The following SSBP3 variants were observed in gnomAD, a reference collection of about 807,000 sequenced individuals.
The protein encoded by SSBP3 is single stranded DNA binding protein 3, also known as single-stranded DNA-binding protein 3.
SSBP3 carries 5 observed loss-of-function variants against 69.6 expected under a neutral mutation model. The ratio of observed to expected loss-of-function variants is 0.07; its 90% CI spans 0.04 to 0.15. SSBP3 has a LOEUF of 0.15. Among genes scored for constraint, SSBP3 ranks in the 10% least tolerant of loss-of-function variants. SSBP3 has a pLI of 1.00. For missense variants in SSBP3, 312 were observed against 534.0 expected (o/e 0.58, Z 4.10); for synonymous variants, 196 against 193.4 (o/e 1.01, Z -0.11).
intron 4 of SSBP3, among the ~76,000 whole-genome samples, chr1:54,294,460 C>T (rs918107584): frequency 6.6e-6 from 1 of 152,214 alleles, no homozygotes; most frequent in Non-Finnish European, 1.5e-5. Context: ...TGTATCACCC[C>T]CTCCCAAGAC....
chr1:54,250,063 G>A (rs1008515288), intron 9 of SSBP3, among the ~76,000 whole-genome samples: 1 of 152,212 alleles, frequency 6.6e-6, no homozygotes, highest in Non-Finnish European at 1.5e-5. Flanking sequence ...ATCTGACTCA[G>A]GAGAGGGGAA....
intron 4 of SSBP3, among the ~76,000 whole-genome samples, chr1:54,357,773 A>G (rs1353751643): frequency 1.3e-5 from 2 of 152,228 alleles, no homozygotes; most frequent in African/African-American, 4.8e-5. Flanking sequence ...TTCTTTGCCA[A>G]GTAATAAGAC....
At chr1:54,236,140 G>A (rs1644488345) in intron 14 of SSBP3, among the ~76,000 whole-genome samples, 1 of 151,894 alleles carries the variant, frequency 6.6e-6, no homozygotes, top group Admixed American at 6.6e-5. Flanking sequence ...CTTTGAAACG[G>A]AGTCTCATTC....
chr1:54,323,095 G>A (rs1366653890), intron 4 of SSBP3, among the ~76,000 whole-genome samples: 2 of 152,162 alleles, frequency 1.3e-5, no homozygotes, highest in African/African-American at 4.8e-5. Flanking sequence ...ACTTCCTGGG[G>A]TGAGGAGAGG....
At chr1:54,353,300 T>C (rs972135314) in intron 4 of SSBP3, among the ~76,000 whole-genome samples, 1 of 152,192 alleles carries the variant, frequency 6.6e-6, no homozygotes, top group Non-Finnish European at 1.5e-5. Flanking sequence ...GGGGAAAAAC[T>C]GCAGGCCAAA....
At position 54,240,083 on chromosome 1, in the gene SSBP3, TGTGTGCGCGCGCGCGCGTGTGCGTGC is replaced by T. The variant is rs1177578227; in HGVS notation, c.856+796_856+821del. 1.1e-4 allele frequency among the ~76,000 whole-genome samples: 8 copies of T among 71,312 alleles called. No individual in the cohort carries two copies. In the East Asian group the frequency reaches 2.5e-3, roughly 23 times the overall value. 46.8% of individuals were successfully genotyped at this position (71,312 alleles called of 152,430 possible). On this transcript the variant is annotated intron_variant, in intron 13 of 17. Transcript: ENST00000610401. ...GTGTGTGTGTGTGTGTGTGTGTGTGTGTGTGCGCGCGCGCGCGTGTGCGTGCGCGCGCGCGCGCAACACATGCCCAC... is the reference window on the plus strand; with the variant it reads ...GTGTGTGTGTGTGTGTGTGTGTGTGTGCGCGCGCGCGCAACACATGCCCAC...
chr1:54,278,296 T>C (rs746084714), intron 5 of SSBP3, among the ~76,000 whole-genome samples: 34 of 151,940 alleles, frequency 2.2e-4, no homozygotes, highest in Non-Finnish European at 4.1e-4. Context: ...CCTTAGTATA[T>C]GCCAGGTGCT....
intron 5 of SSBP3, among the ~76,000 whole-genome samples, chr1:54,275,329 T>C (rs1032912432): frequency 2.6e-5 from 4 of 152,334 alleles, no homozygotes; most frequent in South Asian, 2.1e-4. Flanking sequence ...GTAACAGGCT[T>C]CGGAAACCAA....
rs72910016 is a variant in SSBP3, at chr1:54,246,303, G to T, written c.652-3004C>A. The stretch of plus-strand genomic sequence containing the variant: ...TTTCTAATCCCCTCTACAAATCTCA[G>T]CCTCATCTCCCCACCTGCTGCTCCA... On this transcript the variant is annotated intron_variant, in intron 9 of 17. Coordinates refer to ENST00000610401, the Ensembl canonical transcript of SSBP3. 9.4e-3 allele frequency among the ~76,000 whole-genome samples: 1,426 copies of T among 152,244 alleles called. 21 individuals carry two copies. The highest frequency in any genetic ancestry group is 0.033 in the African/African-American group (1,352 of 41,532).
chr1:54,400,872 C>G (rs886178592), intron 4 of SSBP3, among the ~76,000 whole-genome samples: 11 of 152,196 alleles, frequency 7.2e-5, no homozygotes, highest in Non-Finnish European at 8.8e-5. Flanking sequence ...CTGGGCCAAG[C>G]AGGTGGGACC....
At chr1:54,402,103 C>T (rs144329835) in intron 3 of SSBP3, among the ~76,000 whole-genome samples, 158 bp from the exon 4 acceptor site, 4 of 152,354 alleles carry the variant, frequency 2.6e-5, no homozygotes, top group South Asian at 2.1e-4. Flanking sequence ...AAACAAAACA[C>T]GTCCAACTTC....
At chr1:54,259,131 C>T (rs911654600) in intron 5 of SSBP3, among the ~76,000 whole-genome samples, 20 of 152,110 alleles carry the variant, frequency 1.3e-4, no homozygotes, top group African/African-American at 3.9e-4. Flanking sequence ...CCACCCCCAC[C>T]GCCTCAACCC....
At chr1:54,374,134 C>A (rs1268690724) in intron 4 of SSBP3, among the ~76,000 whole-genome samples, 1 of 152,246 alleles carries the variant, frequency 6.6e-6, no homozygotes, top group Non-Finnish European at 1.5e-5. Flanking sequence ...TAGCCCAGGG[C>A]AGCTTTCTTA....
chr1:54,257,112 GA>G lies in SSBP3; in HGVS notation c.507+14del, dbSNP rs745747698. On this transcript the variant is annotated intron_variant, in intron 7 of 17. Coordinates refer to ENST00000610401, the Ensembl canonical transcript of SSBP3. Reference sequence around the variant, plus strand: ...GGCTGAGGGAGGGGAGAGAGAACATGAAAAGGTACAGTACCTGGTTTCCCAT... The same window carrying G: ...GGCTGAGGGAGGGGAGAGAGAACATGAAAGGTACAGTACCTGGTTTCCCAT... 2 of 1,598,426 alleles carry G rather than the reference GA, an allele frequency of 1.3e-6. No homozygotes were observed. Among genetic ancestry groups the G allele is most frequent in the Admixed American group, 1.8e-5 (1 of 56,618 alleles).
chr1:54,241,514 AAAC>A lies in SSBP3; in HGVS notation c.766-8_766-6del, dbSNP rs1644637945. On this transcript the variant is annotated splice_region_variant and splice_polypyrimidine_tract_variant and intron_variant, in intron 11 of 17. Transcript: ENST00000610401. ...TGATGAGGAGGAGTATGGAATCTAAAAACAAGATGTCAGGGAGCCCCACGTCAG... is the reference window on the plus strand; with the variant it reads ...TGATGAGGAGGAGTATGGAATCTAAAAAGATGTCAGGGAGCCCCACGTCAG... 6.2e-7 allele frequency: 1 copy of A among 1,613,986 alleles called. No homozygotes were observed. Among genetic ancestry groups the A allele is most frequent in the East Asian group, 2.2e-5 (1 of 44,870 alleles).
chr1:54,371,795 G>A (rs1056927359), intron 4 of SSBP3, among the ~76,000 whole-genome samples: 2 of 152,096 alleles, frequency 1.3e-5, no homozygotes, highest in Non-Finnish European at 1.5e-5. Flanking sequence ...CCTCAAAAAC[G>A]AAGACAGTCG....
At chr1:54,280,700 C>T (rs1209870025) in intron 5 of SSBP3, among the ~76,000 whole-genome samples, 2 of 152,170 alleles carry the variant, frequency 1.3e-5, no homozygotes, top group South Asian at 2.1e-4. Context: ...CATGAACCGC[C>T]GAGGAGAAGG....
At chr1:54,243,057 A>C in intron 10 of SSBP3, 178 bp downstream of exon 10, 1 of 656,508 alleles carries the variant, frequency 1.5e-6, no homozygotes, top group African/African-American at 1.8e-5. Flanking sequence ...ACACAGAGGC[A>C]CTCTATGAGG....
intron 4 of SSBP3, among the ~76,000 whole-genome samples, chr1:54,351,642 T>C (rs1020062930): frequency 3.3e-5 from 5 of 152,268 alleles, no homozygotes; most frequent in Non-Finnish European, 5.9e-5. Flanking sequence ...CATCTTTTCA[T>C]GTTCCTCTGG....
Sources: gnomAD v4.1 joint callset for allele counts (sites outside exome capture counted in the v4.1 genomes callset) on GRCh38, gnomAD v4.1.1 for gene constraint, MANE v1.5 for transcripts, NCBI Gene and HGNC (gene_info 2026-07-23, HGNC 2026-07-21) for gene names.